Variants in XKR3 observed in about 807,000 individuals in gnomAD.
XKR3 encodes XK-related protein 3.
A neutral mutation model predicts 40.3 loss-of-function variants in XKR3; 27 were observed. The observed-to-expected ratio is 0.67, with a 90% confidence interval of 0.49 to 0.92. The LOEUF (loss-of-function observed/expected upper bound fraction) is 0.92. XKR3 is among the 40% of genes least tolerant of loss of function. The probability of loss-of-function intolerance (pLI) is 0.00; values close to 1 mark genes in which losing one functional copy is unlikely to be tolerated. For synonymous variants in XKR3, 193 were observed against 195.4 expected, an observed-to-expected ratio of 0.99 and a Z score of 0.10; for missense variants, 472 against 537.6, an observed-to-expected ratio of 0.88 and a Z score of 1.21.
chr22:16,795,447 GA>G (rs2060136447), intron 3 of XKR3, among the ~76,000 whole-genome samples: 1 of 152,060 alleles, frequency 6.6e-6, no homozygotes, highest in African/African-American at 2.4e-5. Flanking sequence ...CCTTCATCAA[GA>G]AGTTAGAAAA....
At chr22:16,788,634 A>C (rs1280466305) in intron 3 of XKR3, among the ~76,000 whole-genome samples, 1 of 152,188 alleles carries the variant, frequency 6.6e-6, no homozygotes, top group African/African-American at 2.4e-5. Flanking sequence ...GTTCCAGTTC[A>C]TTCTGTGGGG....
chr22:16,823,974 C>T (rs1389708021), intron 1 of XKR3, among the ~76,000 whole-genome samples: 1 of 152,002 alleles, frequency 6.6e-6, no homozygotes, highest in East Asian at 1.9e-4. Context: ...CTAATTCTTG[C>T]TTGTTGGAGT....
chr22:16,805,221 A>C (rs2060185196), intron 2 of XKR3, among the ~76,000 whole-genome samples: 1 of 152,218 alleles, frequency 6.6e-6, no homozygotes, highest in Admixed American at 6.5e-5. Context: ...AAGCTAGTAA[A>C]TAGTCTCAGC....
chr22:16,794,369 T>A (rs1262455028), intron 3 of XKR3, among the ~76,000 whole-genome samples: 1 of 151,628 alleles, frequency 6.6e-6, no homozygotes, highest in Non-Finnish European at 1.5e-5. Flanking sequence ...GAGAACACCA[T>A]CAGGATGGCA....
rs766528063 is a variant in XKR3 at position 16,784,070 on chromosome 22, A to C, written c.929T>G (p.Ile310Ser). Residue 310 changes from isoleucine (I) to serine (S), a missense_variant, in exon 4 of 4, where the codon ATC becomes AGC. By Grantham distance (142) the Ile-to-Ser change is moderately radical (BLOSUM62 -2). Coordinates refer to ENST00000684488, the MANE Select transcript of XKR3 (RefSeq NM_001386955.1). ...GTTGATGGCAGCATATAGCAGTGTG[A>C]TCAAGAAAAGCATCAGTACTGTACC... ...MVGTVLMLFL[I>S]TLLYAAINFS... 12 of 1,614,098 alleles carry C rather than the reference A, an allele frequency of 7.4e-6. No homozygotes were observed. Among genetic ancestry groups the C allele is most frequent in the Middle Eastern group, 1.6e-4 (1 of 6,074 alleles).
At chr22:16,786,792 C>A (rs1302932060) in intron 3 of XKR3, among the ~76,000 whole-genome samples, 78 of 152,204 alleles carry the variant, frequency 5.1e-4, no homozygotes, top group African/African-American at 1.8e-3. Flanking sequence ...CCAAACAGAG[C>A]CCAGACATGA....
intron 2 of XKR3, among the ~76,000 whole-genome samples, chr22:16,802,512 G>A (rs573129530): frequency 6.7e-6 from 1 of 150,272 alleles, no homozygotes; most frequent in South Asian, 2.1e-4. Context: ...CTTTTTTTGA[G>A]ACAGAGTTTG....
intron 1 of XKR3, among the ~76,000 whole-genome samples, chr22:16,821,347 G>T (rs943321580): frequency 2.0e-5 from 3 of 151,976 alleles, no homozygotes; most frequent in Admixed American, 6.6e-5. Flanking sequence ...AATTCTAACA[G>T]ATTATCTTAA....
At chr22:16,792,074 T>G (rs1601840818) in intron 3 of XKR3, among the ~76,000 whole-genome samples, 1 of 152,080 alleles carries the variant, frequency 6.6e-6, no homozygotes, top group South Asian at 2.1e-4. Context: ...ACCGAATAGT[T>G]GAGATTACAG....
rs774910644 is a variant in XKR3 at position 16,784,284 on chromosome 22, C to G, written c.715G>C (p.Val239Leu). The G allele has an allele frequency of 1.1e-5, 17 of 1,614,166 alleles. No individual in the cohort carries two copies. The East Asian group carries it at 3.1e-4, about 30-fold the overall frequency. The stretch of plus-strand genomic sequence containing the variant: ...ATAACCTCCAAAAAACGCCACATCA[C>G]GACACAGAAGAATTCTATCGGCGGT... ...KLPPIEFFCVVMWRFLEVISR... is the reference protein window; with the variant it reads ...KLPPIEFFCVLMWRFLEVISR... Residue 239 changes from valine to leucine, a missense_variant, in exon 4 of 4, where the codon GTG becomes CTG. By Grantham distance (32) the Val-to-Leu change is conservative. Coordinates refer to ENST00000684488, the MANE Select transcript of XKR3 (RefSeq NM_001386955.1).
At chr22:16,802,458 A>G (rs1361798155) in intron 2 of XKR3, among the ~76,000 whole-genome samples, 1 of 152,110 alleles carries the variant, frequency 6.6e-6, no homozygotes, top group Non-Finnish European at 1.5e-5. Flanking sequence ...ATTTAATCCT[A>G]ACAGATAATT....
chr22:16,784,323 TA>T lies in XKR3; in HGVS notation c.675del (p.Asp225GlufsTer9), dbSNP rs1198057689. 3 of 1,614,210 alleles carry T rather than the reference TA, an allele frequency of 1.9e-6. No homozygotes were observed. Among genetic ancestry groups the T allele is most frequent in the Non-Finnish European group, 2.5e-6 (3 of 1,180,030 alleles). ...NILAIQISND[D>X]TTIKLPPIEF... ...TCTATCGGCGGTAGCTTAATGGTAG[TA>T]TCATCATTGCTGATCTGGATGGCCA... On this transcript the variant is annotated frameshift_variant, in exon 4 of 4. Coordinates refer to ENST00000684488, the MANE Select transcript of XKR3 (RefSeq NM_001386955.1). LOFTEE classifies it high-confidence loss of function.
chr22:16,814,144 C>T (rs564819127), intron 1 of XKR3, among the ~76,000 whole-genome samples: 170 of 152,202 alleles, frequency 1.1e-3, no homozygotes, highest in South Asian at 3.9e-3. Flanking sequence ...CTACCTTTTT[C>T]TAGAGTTTTA....
chr22:16,814,119 C>T (rs930403862), intron 1 of XKR3, among the ~76,000 whole-genome samples: 29 of 152,274 alleles, frequency 1.9e-4, no homozygotes, highest in African/African-American at 7.0e-4. Flanking sequence ...AATCTAAGGT[C>T]ACAAAGATTA....
At chr22:16,789,986 A>G (rs2146142829) in intron 3 of XKR3, among the ~76,000 whole-genome samples, 1 of 152,248 alleles carries the variant, frequency 6.6e-6, no homozygotes, top group Non-Finnish European at 1.5e-5. Context: ...CAAATACACT[A>G]AAAAGCCTAT....
intron 1 of XKR3, among the ~76,000 whole-genome samples, chr22:16,809,019 A>G (rs2060202313): frequency 6.6e-6 from 1 of 152,160 alleles, no homozygotes; most frequent in Non-Finnish European, 1.5e-5. Context: ...GGTTTTTAAA[A>G]ACATATTAAT....
intron 3 of XKR3, among the ~76,000 whole-genome samples, chr22:16,799,413 C>CAAAAAAAAAAAACAAAAAAAAAAAAA (rs2060157148): frequency 3.1e-5 from 1 of 32,550 alleles, no homozygotes; most frequent in Admixed American, 4.5e-4. Context: ...GACTATGTCT[C>CAAAAAAAAAAAACAAAAAAAAAAAAA]AAAAAAAAAA....
At chr22:16,803,175 T>C (rs7284996) in intron 2 of XKR3, among the ~76,000 whole-genome samples, 44,558 of 151,978 alleles carry the variant, frequency 0.29, 6,671 homozygotes, top group East Asian at 0.38. Context: ...CTTTTGCATA[T>C]ACTTGTTTTG....
intron 2 of XKR3, among the ~76,000 whole-genome samples, chr22:16,803,572 T>C (rs927011002): frequency 3.9e-5 from 6 of 152,146 alleles, no homozygotes; most frequent in Admixed American, 3.3e-4. Flanking sequence ...TGTTCTAAAA[T>C]GTGTGTAATA....
Sources: allele counts gnomAD v4.1 joint callset (sites outside exome capture counted in the v4.1 genomes callset), GRCh38; gene constraint gnomAD v4.1.1; transcripts MANE v1.5; gene names NCBI Gene and HGNC (gene_info 2026-07-23, HGNC 2026-07-21).